Variants in DRC9 observed in about 807,000 individuals in gnomAD.
DRC9 encodes dynein regulatory complex protein 9.
the DRC9 span, chr3:197,943,889 G>A: frequency 6.2e-7 from 1 of 1,614,096 alleles, no homozygotes; most frequent in Admixed American, 1.7e-5. Context: ...CATCTGGAAG[G>A]GACAGTGGCT....
At chr3:197,922,547 A>G in the DRC9 span, among the ~76,000 whole-genome samples, 1 of 151,986 alleles carries the variant, frequency 6.6e-6, no homozygotes, top group Non-Finnish European at 1.5e-5. Flanking sequence ...CTCTACTAAA[A>G]ACACATAAAT....
At chr3:197,938,386 A>G in the DRC9 span, among the ~76,000 whole-genome samples, 1 of 151,758 alleles carries the variant, frequency 6.6e-6, no homozygotes. Context: ...CATTCATATC[A>G]CCCTGCCTCT....
the DRC9 span, chr3:197,951,113 G>GT: frequency 5.6e-6 from 9 of 1,613,594 alleles, no homozygotes; most frequent in Non-Finnish European, 7.6e-6. Context: ...AGTCAGATTG[G>GT]TTTTTTGAAG....
chr3:197,895,974 C>CAAAAAAA, the DRC9 span, among the ~76,000 whole-genome samples: 6 of 58,992 alleles, frequency 1.0e-4, no homozygotes, highest in African/African-American at 3.2e-4. Flanking sequence ...GACCCTGTCT[C>CAAAAAAA]AAAAAAAAAA....
chr3:197,913,863 T>C, the DRC9 span: 1 of 1,613,564 alleles, frequency 6.2e-7, no homozygotes, highest in Non-Finnish European at 8.5e-7. Flanking sequence ...GGTTCTTGGC[T>C]AATGTCCCAG....
chr3:197,947,928 CTTTTTTTTTTT>C, the DRC9 span, among the ~76,000 whole-genome samples: 1,061 of 96,846 alleles, frequency 0.011, 32 homozygotes, highest in African/African-American at 0.042. Context: ...CCTGCTTTAC[CTTTTTTTTTTT>C]TTTTTTTTTT....
chr3:197,890,648 C>T, the DRC9 span, among the ~76,000 whole-genome samples: 179 of 152,292 alleles, frequency 1.2e-3, 1 homozygote, highest in South Asian at 2.1e-3. Context: ...AGAAAGCAAA[C>T]GTGCTCTTCA....
At chr3:197,897,376 A>C in the DRC9 span, among the ~76,000 whole-genome samples, 1 of 152,210 alleles carries the variant, frequency 6.6e-6, no homozygotes, top group Non-Finnish European at 1.5e-5. Context: ...GACAAATTCT[A>C]GATATTACAA....
the DRC9 span, among the ~76,000 whole-genome samples, chr3:197,919,418 C>T: frequency 1.3e-5 from 2 of 152,182 alleles, no homozygotes; most frequent in Non-Finnish European, 1.5e-5. Flanking sequence ...GGCTCCTTTT[C>T]AGAGTTTCAC....
At chr3:197,931,252 T>G in the DRC9 span, among the ~76,000 whole-genome samples, 2 of 151,900 alleles carry the variant, frequency 1.3e-5, no homozygotes, top group Non-Finnish European at 2.9e-5. Context: ...GAGGCTGAGA[T>G]GGGTGGACCA....
chr3:197,947,928 C>CTTTTTTTTTTTTTTTTTTTTTTTTTT, the DRC9 span, among the ~76,000 whole-genome samples: 1 of 96,770 alleles, frequency 1.0e-5, no homozygotes, highest in Non-Finnish European at 2.0e-5. Context: ...CCTGCTTTAC[C>CTTTTTTTTTTTTTTTTTTTTTTTTTT]TTTTTTTTTT....
At chr3:197,899,780 C>T in the DRC9 span, among the ~76,000 whole-genome samples, 1 of 152,132 alleles carries the variant, frequency 6.6e-6, no homozygotes, top group Non-Finnish European at 1.5e-5. Context: ...TGACAACTAT[C>T]TGTACAAAAA....
At chr3:197,944,198 C>A in the DRC9 span, 1 of 701,764 alleles carries the variant, frequency 1.4e-6, no homozygotes, top group Non-Finnish European at 2.4e-6. Flanking sequence ...GAGGATTTGG[C>A]GTGTGATTCT....
At chr3:197,938,957 C>T in the DRC9 span, 1 of 596,652 alleles carries the variant, frequency 1.7e-6, no homozygotes, top group Non-Finnish European at 3.0e-6. Flanking sequence ...TAACTTCACA[C>T]AACATTCTTC....
At chr3:197,944,034 G>C in the DRC9 span, 1 of 1,613,946 alleles carries the variant, frequency 6.2e-7, no homozygotes, top group Non-Finnish European at 8.5e-7. Flanking sequence ...AGGAAGGTTT[G>C]AGTCTTCCAG....
the DRC9 span, chr3:197,958,871 G>A: frequency 6.6e-6 from 1 of 152,246 alleles, no homozygotes; most frequent in Non-Finnish European, 1.5e-5. Context: ...TACAGGAAAG[G>A]GCTTGCGTGG....
the DRC9 span, among the ~76,000 whole-genome samples, chr3:197,910,982 C>CAAAAAAAAA: frequency 1.3e-4 from 8 of 61,494 alleles, no homozygotes; most frequent in African/African-American, 2.7e-4. Context: ...AAAAACAAAA[C>CAAAAAAAAA]AAAAAAAAAA....
chr3:197,957,145 A>G, the DRC9 span: 4 of 152,252 alleles, frequency 2.6e-5, no homozygotes, highest in Non-Finnish European at 4.4e-5. Flanking sequence ...TCCTGGAGAC[A>G]GGACTGAGAA....
the DRC9 span, among the ~76,000 whole-genome samples, chr3:197,894,316 T>C: frequency 6.6e-6 from 1 of 152,146 alleles, no homozygotes; most frequent in Non-Finnish European, 1.5e-5. Context: ...ATATACATAA[T>C]ATCTGCATAT....
Sources: gnomAD v4.1 joint callset for allele counts (sites outside exome capture counted in the v4.1 genomes callset) on GRCh38, gnomAD v4.1.1 for gene constraint, MANE v1.5 for transcripts, NCBI Gene and HGNC (gene_info 2026-07-23, HGNC 2026-07-21) for gene names.